AATF: variants seen among roughly 807,000 people sequenced by gnomAD.
The protein encoded by AATF is apoptosis antagonizing transcription factor.
A neutral mutation model predicts 63.7 loss-of-function variants in AATF; 48 were observed. That is an observed-to-expected ratio of 0.75 (90% CI 0.60 to 0.96). The LOEUF is 0.96. Ranked by LOEUF, AATF falls within the 40% of genes least tolerant of loss-of-function variation. AATF has a pLI of 0.00. For missense variants in AATF, 639 were observed against 685.7 expected, an observed-to-expected ratio of 0.93 and a Z score of 0.76; for synonymous variants, 258 against 247.7, an observed-to-expected ratio of 1.04 and a Z score of -0.39.
At chr17:36,988,328 C>G (rs1324586607) in intron 5 of AATF, among the ~76,000 whole-genome samples, 191 bp from the exon 6 acceptor site, 1 of 152,026 alleles carries the variant, frequency 6.6e-6, no homozygotes, top group Non-Finnish European at 1.5e-5. Flanking sequence ...AAAAAAGTTA[C>G]ACGAGTTTTT....
At chr17:36,951,503 C>T (rs539993019) in intron 2 of AATF, among the ~76,000 whole-genome samples, 53 of 152,272 alleles carry the variant, frequency 3.5e-4, no homozygotes, top group African/African-American at 1.2e-3. Flanking sequence ...TCACCATTAT[C>T]ACTACATGTG....
chr17:37,019,064 C>T lies in AATF; in HGVS notation c.1458C>T (p.Ala486=). 1.2e-6 allele frequency: 2 copies of T among 1,614,000 alleles called. No individual in the cohort carries two copies. The highest frequency in any genetic ancestry group is 2.2e-5 in the East Asian group (1 of 44,874). Residue 486 remains alanine, a synonymous_variant, in exon 9 of 12, where the codon GCC becomes GCT. Transcript: ENST00000619387. The stretch of plus-strand genomic sequence containing the variant: ...CCTTGGATCCCAACGATCAGGTGGC[C>T]ATGGGAAGGTAATTTAGATACAGCT... ...TSSLDPNDQV[A]MGRQWLAIQK...
In AATF at chr17:36,978,090, C is replaced by G. The variant is rs1352135196; in HGVS notation, c.833-8527C>G. On this transcript the variant is annotated intron_variant, in intron 4 of 11. Coordinates refer to ENST00000619387, the MANE Select transcript of AATF (RefSeq NM_012138.4). The stretch of plus-strand genomic sequence containing the variant: ...TGTCCCTCCACAGAACTCAAATGCA[C>G]ACTATCTATCATGTTACTTAGTGTG... Among the ~76,000 whole-genome samples, 3 of 152,274 alleles carry G rather than the reference C, an allele frequency of 2.0e-5. No homozygotes were observed. The East Asian group carries it at 5.8e-4, about 29-fold the overall frequency.
intron 4 of AATF, among the ~76,000 whole-genome samples, chr17:36,955,922 C>T (rs1378446612): frequency 6.6e-6 from 1 of 152,028 alleles, no homozygotes; most frequent in Non-Finnish European, 1.5e-5. Context: ...GCCACCATGC[C>T]CGACTAATTT....
intron 4 of AATF, among the ~76,000 whole-genome samples, chr17:36,955,538 T>C (rs2070892791): frequency 6.6e-6 from 1 of 152,212 alleles, no homozygotes. Flanking sequence ...TTCTCTGCTA[T>C]TTTTAGTGTC....
chr17:37,046,626 G>A (rs563223475), intron 11 of AATF, among the ~76,000 whole-genome samples: 1 of 152,154 alleles, frequency 6.6e-6, no homozygotes, highest in Non-Finnish European at 1.5e-5. Flanking sequence ...AGAAGTAATA[G>A]CAGAGTGCCT....
intron 4 of AATF, among the ~76,000 whole-genome samples, chr17:36,976,012 A>G (rs2071077393): frequency 6.6e-6 from 1 of 152,132 alleles, no homozygotes; most frequent in South Asian, 2.1e-4. Context: ...CTTTCCATCC[A>G]TGTGATGTGG....
chr17:37,045,326 AGATGAGG>A (rs1567996370), intron 11 of AATF: 1 of 152,270 alleles, frequency 6.6e-6, no homozygotes, highest in Non-Finnish European at 1.5e-5. Flanking sequence ...TCTACAATAT[AGATGAGG>A]AAACATCAGC....
intron 11 of AATF, among the ~76,000 whole-genome samples, chr17:37,039,134 T>C (rs1259254670): frequency 6.6e-6 from 1 of 152,220 alleles, no homozygotes; most frequent in Non-Finnish European, 1.5e-5. Context: ...AATAGGAATA[T>C]GCACTGAATC....
intron 4 of AATF, among the ~76,000 whole-genome samples, chr17:36,981,179 A>G (rs895145774): frequency 6.6e-6 from 1 of 152,174 alleles, no homozygotes; most frequent in African/African-American, 2.4e-5. Context: ...ACTGACTTGA[A>G]CAACATAAAA....
Position 36,949,066 on chromosome 17 carries a change from G to T in AATF, c.-60G>T. 3 of 1,425,444 alleles carry T rather than the reference G, an allele frequency of 2.1e-6. No homozygotes were observed. Among genetic ancestry groups the T allele is most frequent in the Non-Finnish European group, 1.9e-6 (2 of 1,041,324 alleles). 88.3% of individuals were successfully genotyped at this position (1,425,444 alleles called of 1,614,324 possible). ...GATCCGGCAGGGAAGGAGCTTCGGG[G>T]CCGGGGGTTGGGCCGCACATTTACG... On this transcript the variant is annotated 5_prime_UTR_variant, in exon 1 of 12. Transcript: ENST00000619387.
chr17:37,014,799 C>T (rs566897329), intron 8 of AATF, among the ~76,000 whole-genome samples: 2 of 152,140 alleles, frequency 1.3e-5, no homozygotes, highest in African/African-American at 4.8e-5. Flanking sequence ...TCTTGTCTTG[C>T]AAATAAGCAA....
chr17:37,052,338 G>A (rs1009011317), intron 11 of AATF: 3 of 152,250 alleles, frequency 2.0e-5, no homozygotes, highest in African/African-American at 7.2e-5. Context: ...TTAGGAAGAT[G>A]CAGCCGGGGG....
rs532968199 is a variant in AATF at position 36,962,405 on chromosome 17, A to T, written c.832+8498A>T. ...GGGAGTGTCAGATTCTTATGCACTG[A>T]TTCTACCTACCCTAAGAGTATAAGC... On this transcript the variant is annotated intron_variant, in intron 4 of 11. Coordinates refer to ENST00000619387, the MANE Select transcript of AATF (RefSeq NM_012138.4). 3.3e-5 allele frequency among the ~76,000 whole-genome samples: 5 copies of T among 152,296 alleles called. No homozygotes were observed. The East Asian group carries it at 9.6e-4, about 29-fold the overall frequency.
intron 4 of AATF, among the ~76,000 whole-genome samples, chr17:36,983,738 A>G (rs893142773): frequency 1.3e-5 from 2 of 152,230 alleles, no homozygotes; most frequent in African/African-American, 2.4e-5. Context: ...ATAGTTATGT[A>G]TTACAAATTC....
At chr17:36,996,665 A>G (rs2071257277) in intron 8 of AATF, among the ~76,000 whole-genome samples, 1 of 152,172 alleles carries the variant, frequency 6.6e-6, no homozygotes, top group South Asian at 2.1e-4. Context: ...CTGCCATTGT[A>G]TATCTGTCAA....
chr17:36,987,254 G>A (rs1211311763), intron 5 of AATF, among the ~76,000 whole-genome samples: 2 of 149,640 alleles, frequency 1.3e-5, no homozygotes, highest in African/African-American at 5.0e-5. Context: ...GCCTCCCAAA[G>A]TGCTGGAATT....
Position 36,949,120 on chromosome 17 carries a change from GTGACGA to G in AATF, c.-3_3del. 1.3e-6 allele frequency: 2 copies of G among 1,574,032 alleles called. No homozygotes were observed. Among genetic ancestry groups the G allele is most frequent in the Non-Finnish European group, 8.6e-7 (1 of 1,160,570 alleles). On this transcript the variant is annotated start_lost and 5_prime_UTR_variant, in exon 1 of 12. Coordinates refer to ENST00000619387, the MANE Select transcript of AATF (RefSeq NM_012138.4). ...GCGAAGCGGAGTGGACCGGGAGCTGGTGACGATGGCGGGGCCGCAGCCCCTGGCGCT... is the reference window on the plus strand; with the variant it reads ...GCGAAGCGGAGTGGACCGGGAGCTGGTGGCGGGGCCGCAGCCCCTGGCGCT...
intron 11 of AATF, chr17:37,033,797 T>A (rs2071569735): frequency 6.5e-6 from 1 of 154,676 alleles, no homozygotes; most frequent in African/African-American, 2.4e-5. Context: ...AAGATGGCTG[T>A]TGCAACTTAA....
Sources: gnomAD v4.1 joint callset for allele counts (sites outside exome capture counted in the v4.1 genomes callset) on GRCh38, gnomAD v4.1.1 for gene constraint, MANE v1.5 for transcripts, NCBI Gene and HGNC (gene_info 2026-07-23, HGNC 2026-07-21) for gene names.